RFTN1: variants seen among roughly 807,000 people sequenced by gnomAD.
RFTN1 encodes the protein raftlin.
A neutral mutation model predicts 46.5 loss-of-function variants in RFTN1; 26 were observed. The ratio of observed to expected loss-of-function variants is 0.56; its 90% CI spans 0.41 to 0.78. The LOEUF is 0.78. Ranked by LOEUF, RFTN1 falls within the 30% of genes least tolerant of loss-of-function variation. The pLI is 0.00. For synonymous variants in RFTN1, 261 were observed against 284.2 expected, an observed-to-expected ratio of 0.92 and a Z score of 0.82; for missense variants, 693 against 718.7, an observed-to-expected ratio of 0.96 and a Z score of 0.41.
chr3:16,332,321 A>T, intron 7 of RFTN1, among the ~76,000 whole-genome samples: 2 of 135,544 alleles, frequency 1.5e-5, no homozygotes, highest in African/African-American at 5.7e-5. Flanking sequence ...TTTCTGAGAG[A>T]TTTCCTTCAT....
At chr3:16,510,717 G>A (rs2076884419) in intron 1 of RFTN1, among the ~76,000 whole-genome samples, 1 of 152,318 alleles carries the variant, frequency 6.6e-6, no homozygotes, top group Admixed American at 6.5e-5. Flanking sequence ...AGGTCTGGCA[G>A]TTTCTTTTCA....
rs1015211818 is a variant in RFTN1, at chr3:16,427,328, G to A, written c.332+6523C>T. 6.6e-6 allele frequency among the ~76,000 whole-genome samples: 1 copy of A among 152,224 alleles called. No homozygotes were observed. Among genetic ancestry groups the A allele is most frequent in the African/African-American group, 2.4e-5 (1 of 41,454 alleles). ...CCACTGTAGGGATCTGAGCTTGCAA[G>A]CCCTGTCTTAGAATAAAGACAGAGT... On this transcript the variant is annotated intron_variant, in intron 3 of 9. Coordinates refer to ENST00000334133, the MANE Select transcript of RFTN1 (RefSeq NM_015150.2). This position sits in a 1 kb window ranked among gnomAD's most constrained non-coding sequence, Gnocchi z 5.4.
chr3:16,445,610 A>G (rs376404729), intron 2 of RFTN1, among the ~76,000 whole-genome samples: 2 of 152,248 alleles, frequency 1.3e-5, no homozygotes, highest in South Asian at 4.2e-4. Flanking sequence ...TGGTATAAGT[A>G]TAAAATGTTC....
intron 2 of RFTN1, among the ~76,000 whole-genome samples, chr3:16,478,859 C>G (rs973237411): frequency 1.3e-5 from 2 of 152,204 alleles, no homozygotes; most frequent in African/African-American, 4.8e-5. Context: ...CACAACACGG[C>G]AACCAGTTTC....
At chr3:16,323,734 G>A (rs113037100) in intron 8 of RFTN1, among the ~76,000 whole-genome samples, 2 of 152,324 alleles carry the variant, frequency 1.3e-5, no homozygotes, top group African/African-American at 4.8e-5. Context: ...ACAGCATCTT[G>A]GCCAAATGTG....
In RFTN1 at chr3:16,322,328, C is replaced by T. The variant is rs2125195039; in HGVS notation, c.1332+1048G>A. 6.6e-6 allele frequency among the ~76,000 whole-genome samples: 1 copy of T among 152,366 alleles called. No individual in the cohort carries two copies. Among genetic ancestry groups the T allele is most frequent in the Non-Finnish European group, 1.5e-5 (1 of 68,038 alleles). On this transcript the variant is annotated intron_variant, in intron 9 of 9. Coordinates refer to ENST00000334133, the MANE Select transcript of RFTN1 (RefSeq NM_015150.2). The surrounding 1 kb of genome is among the most constrained non-coding windows in gnomAD (Gnocchi z 6.2). ...CTTTGGCACTCCTTCCACAAGTGGG[C>T]TCCCCCTGGAGTTGTTGGCTGGTGA...
rs2075314046 is a variant in RFTN1 at position 16,427,890 on chromosome 3, T to C, written c.332+5961A>G. Reference sequence around the variant, plus strand: ...TTCACTCCCTATTCCAGTCTACCCATCATGCCCAACCTAGAGCAAATGACA... The same window carrying C: ...TTCACTCCCTATTCCAGTCTACCCACCATGCCCAACCTAGAGCAAATGACA... On this transcript the variant is annotated intron_variant, in intron 3 of 9. Coordinates refer to ENST00000334133, the MANE Select transcript of RFTN1 (RefSeq NM_015150.2). This position sits in a 1 kb window ranked among gnomAD's most constrained non-coding sequence, Gnocchi z 5.4. 6.6e-6 allele frequency among the ~76,000 whole-genome samples: 1 copy of C among 152,198 alleles called. No individual in the cohort carries two copies. The highest frequency in any genetic ancestry group is 3.4e-3 in the Middle Eastern group (1 of 294).
In RFTN1 at chr3:16,316,860, C is replaced by G; in HGVS notation, c.1705G>C (p.Val569Leu). The G allele has an allele frequency of 6.2e-7, 1 of 1,614,196 alleles. No individual in the cohort carries two copies. Among genetic ancestry groups the G allele is most frequent in the Non-Finnish European group, 8.5e-7 (1 of 1,180,038 alleles). Residue 569 changes from valine (V) to leucine (L), a missense_variant, in exon 10 of 10, where the codon GTC (valine) becomes CTC (leucine). Val to Leu is a conservative substitution (Grantham distance 32, BLOSUM62 1). Transcript: ENST00000334133. The surrounding 1 kb of genome is among the most constrained non-coding windows in gnomAD (Gnocchi z 4.5). ...TCTTCAACCGTACCAAGCTCTCTGA[C>G]TTCCTCAGCATCCCCGTCCCTGGCA... ...EDARDGDAEE[V>L]RELGTVEEN
At chr3:16,347,566 G>A (rs963207501) in intron 7 of RFTN1, 3 of 152,126 alleles carry the variant, frequency 2.0e-5, no homozygotes, top group Admixed American at 6.5e-5. Context: ...TCACCTCTAT[G>A]TGTATAAAAT....
At chr3:16,330,270 C>G (rs945238284) in intron 7 of RFTN1, among the ~76,000 whole-genome samples, 2 of 152,194 alleles carry the variant, frequency 1.3e-5, no homozygotes, top group Non-Finnish European at 2.9e-5. Flanking sequence ...CCCACTCCGA[C>G]TATTTGGAAT....
rs773026985 is a variant in RFTN1, at chr3:16,323,430, A to C, written c.1278T>G (p.Ile426Met). 2.5e-6 allele frequency: 4 copies of C among 1,612,624 alleles called. No homozygotes were observed. In the South Asian group the frequency reaches 4.4e-5, roughly 18 times the overall value. Reference protein sequence around the residue: ...TSEGSVSTKQIVFLQRPCLPQ... With the variant: ...TSEGSVSTKQMVFLQRPCLPQ... ...GTAGACAAGGTCTCTGAAGAAAGAC[A>C]ATCTGCTTGGTGGATACACTCCCCT... Residue 426 changes from isoleucine to methionine, a missense_variant, in exon 9 of 10, where the codon ATT becomes ATG. Physicochemically the swap from Ile to Met is conservative, Grantham distance 10. Transcript: ENST00000334133.
rs2071317262 is a variant in RFTN1 at position 16,341,531 on chromosome 3, GC to G, written c.1147-14656del. Among the ~76,000 whole-genome samples the G allele has an allele frequency of 6.6e-6, 1 of 152,150 alleles. No homozygotes were observed. Among genetic ancestry groups the G allele is most frequent in the Non-Finnish European group, 1.5e-5 (1 of 68,034 alleles). On this transcript the variant is annotated intron_variant, in intron 7 of 9. Coordinates refer to ENST00000334133, the MANE Select transcript of RFTN1 (RefSeq NM_015150.2). The surrounding 1 kb of genome is among the most constrained non-coding windows in gnomAD (Gnocchi z 4.7). ...AAATCCATATTACTAAGTGAAAGAAGCCAACTGGAAAAGGCTACATACTGTA... is the reference window on the plus strand; with the variant it reads ...AAATCCATATTACTAAGTGAAAGAAGCAACTGGAAAAGGCTACATACTGTA...
chr3:16,432,975 T>C (rs1575282319), intron 3 of RFTN1, among the ~76,000 whole-genome samples: 2 of 152,326 alleles, frequency 1.3e-5, no homozygotes, highest in Admixed American at 1.3e-4. Flanking sequence ...ATGCTTTGTC[T>C]ACCTGCAAAG....
rs1314809459 is a variant in RFTN1 at position 16,425,731 on chromosome 3, C to T, written c.332+8120G>A. Among the ~76,000 whole-genome samples, 1 of 151,720 alleles carries T rather than the reference C, an allele frequency of 6.6e-6. No individual in the cohort carries two copies. Among genetic ancestry groups the T allele is most frequent in the African/African-American group, 2.4e-5 (1 of 41,266 alleles). ...GGCATATGAGATTGAAAAGTGCAAACAAATAATTAACGGTGAATCCTGAAA... is the reference window on the plus strand; with the variant it reads ...GGCATATGAGATTGAAAAGTGCAAATAAATAATTAACGGTGAATCCTGAAA... On this transcript the variant is annotated intron_variant, in intron 3 of 9. Transcript: ENST00000334133. This position sits in a 1 kb window ranked among gnomAD's most constrained non-coding sequence, Gnocchi z 4.3.
chr3:16,509,437 G>C lies in RFTN1; in HGVS notation c.-9+4005C>G, dbSNP rs2076863006. On this transcript the variant is annotated intron_variant, in intron 1 of 9. Coordinates refer to ENST00000334133, the MANE Select transcript of RFTN1 (RefSeq NM_015150.2). The surrounding 1 kb of genome is among the most constrained non-coding windows in gnomAD (Gnocchi z 4.9). ...ACCTTGCAAGCTTCAATTTCCTCAG[G>C]GCTGAAGTGAAGATAATATAAGTAC... Among the ~76,000 whole-genome samples the C allele has an allele frequency of 6.6e-6, 1 of 152,110 alleles. No individual in the cohort carries two copies. Among genetic ancestry groups the C allele is most frequent in the East Asian group, 1.9e-4 (1 of 5,198 alleles).
chr3:16,481,117 C>T lies in RFTN1; in HGVS notation c.145+12608G>A, dbSNP rs975769848. ...GGGAAAACAGCATGAAGAGTTTTTA[C>T]ATTCAGAAAGGAATGCAAAGGAATG... On this transcript the variant is annotated intron_variant, in intron 2 of 9. Coordinates refer to ENST00000334133, the MANE Select transcript of RFTN1 (RefSeq NM_015150.2). The surrounding 1 kb of genome is among the most constrained non-coding windows in gnomAD (Gnocchi z 5.1). 4.0e-4 allele frequency among the ~76,000 whole-genome samples: 61 copies of T among 151,990 alleles called. No individual in the cohort carries two copies. The highest frequency in any genetic ancestry group is 1.2e-3 in the African/African-American group (51 of 41,386).
At chr3:16,375,786 C>T (rs62236292) in intron 5 of RFTN1, among the ~76,000 whole-genome samples, 2,232 of 152,304 alleles carry the variant, frequency 0.015, 37 homozygotes, top group South Asian at 0.025. Flanking sequence ...GGGCTGACCA[C>T]CTCCAGAAAC....
chr3:16,317,479 G>C lies in RFTN1; in HGVS notation c.1333-247C>G, dbSNP rs569034898. ...GTAGATTTCAGGTTCTGTTGGGGCA[G>C]AGCAGTATTTCTTTTGACTGGCTCT... On this transcript the variant is annotated intron_variant, in intron 9 of 9. Transcript: ENST00000334133. This position sits in a 1 kb window ranked among gnomAD's most constrained non-coding sequence, Gnocchi z 4.3. Among the ~76,000 whole-genome samples, 1 of 152,238 alleles carries C rather than the reference G, an allele frequency of 6.6e-6. No homozygotes were observed. The highest frequency in any genetic ancestry group is 1.9e-4 in the East Asian group (1 of 5,154).
chr3:16,485,993 AATC>A (rs1362584212), intron 2 of RFTN1, among the ~76,000 whole-genome samples: 1 of 152,192 alleles, frequency 6.6e-6, no homozygotes, highest in Non-Finnish European at 1.5e-5. Context: ...GGGCTACTTG[AATC>A]ATCAAGTGAG....
Sources: allele counts gnomAD v4.1 joint callset (sites outside exome capture counted in the v4.1 genomes callset), GRCh38; gene constraint gnomAD v4.1.1; non-coding constraint Gnocchi (gnomAD v3.1); transcripts MANE v1.5; gene names NCBI Gene and HGNC (gene_info 2026-07-23, HGNC 2026-07-21).